Variants in DCHS2 observed in about 807,000 individuals in gnomAD.
DCHS2 encodes protocadherin-23.
In DCHS2, 142 loss-of-function variants were observed where a neutral mutation model predicts 182.4. That is an observed-to-expected ratio of 0.78 (90% CI 0.68 to 0.89). DCHS2 has a LOEUF of 0.89. DCHS2 is among the 40% of genes least tolerant of loss of function. The probability of loss-of-function intolerance (pLI) is 0.00; values close to 1 mark genes in which losing one functional copy is unlikely to be tolerated. For synonymous variants in DCHS2, 1,740 were observed against 1,663.3 expected (o/e 1.05, Z -1.12); for missense variants, 4,319 against 4,198.6 (o/e 1.03, Z -0.79).
chr4:154,288,713 TA>T (rs1188730990), intron 13 of DCHS2, among the ~76,000 whole-genome samples: 1 of 152,068 alleles, frequency 6.6e-6, no homozygotes, highest in Non-Finnish European at 1.5e-5. Flanking sequence ...TAATTAAAAT[TA>T]TATAAAGTAT....
At chr4:154,428,610 C>A (rs1458452380) in intron 1 of DCHS2, among the ~76,000 whole-genome samples, 1 of 151,698 alleles carries the variant, frequency 6.6e-6, no homozygotes, top group Non-Finnish European at 1.5e-5. Context: ...GTTGTTGAGG[C>A]CAATGAAAAT....
intron 10 of DCHS2, among the ~76,000 whole-genome samples, chr4:154,309,874 G>C (rs1280032537): frequency 1.3e-5 from 2 of 152,160 alleles, no homozygotes; most frequent in South Asian, 4.1e-4. Flanking sequence ...CCACATAATA[G>C]TAAAAAGGAC....
intron 1 of DCHS2, among the ~76,000 whole-genome samples, chr4:154,457,161 A>G (rs904451376): frequency 1.2e-4 from 19 of 152,158 alleles, no homozygotes; most frequent in African/African-American, 4.1e-4. Context: ...ATTATATAGT[A>G]ATTTCAAACA....
chr4:154,299,227 A>T (rs1385405168), intron 12 of DCHS2, among the ~76,000 whole-genome samples: 5 of 152,236 alleles, frequency 3.3e-5, no homozygotes, highest in Non-Finnish European at 7.3e-5. Flanking sequence ...CTTCTCTTCT[A>T]CATGTCCACA....
chr4:154,335,960 C>T (rs766683358), intron 3 of DCHS2, among the ~76,000 whole-genome samples: 10 of 152,134 alleles, frequency 6.6e-5, no homozygotes, highest in African/African-American at 1.7e-4. Context: ...TGCAGGCTAG[C>T]GCAGGGTTGT....
At chr4:154,330,199 T>C (rs1391007734) in intron 5 of DCHS2, among the ~76,000 whole-genome samples, 3 of 152,246 alleles carry the variant, frequency 2.0e-5, no homozygotes, top group African/African-American at 7.2e-5. Flanking sequence ...GTGCAAGCTA[T>C]ACATGACGAC....
At chr4:154,444,673 G>C (rs1046491149) in intron 1 of DCHS2, among the ~76,000 whole-genome samples, 7 of 152,090 alleles carry the variant, frequency 4.6e-5, no homozygotes, top group African/African-American at 1.7e-4. Flanking sequence ...CACAGCTCCA[G>C]GTGATCTTCT....
intron 1 of DCHS2, 83 bp from the exon 2 acceptor site, chr4:154,377,527 C>A: frequency 8.8e-7 from 1 of 1,135,176 alleles, no homozygotes; most frequent in South Asian, 1.5e-5. Context: ...AAACAATTTG[C>A]ACAACCACAT....
intron 2 of DCHS2, among the ~76,000 whole-genome samples, chr4:154,372,679 G>C (rs1730697535): frequency 6.6e-6 from 1 of 152,140 alleles, no homozygotes; most frequent in South Asian, 2.1e-4. Flanking sequence ...AAATTGTAGA[G>C]CTTTCTTGTG....
intron 3 of DCHS2, chr4:154,343,519 C>T: frequency 6.6e-7 from 1 of 1,512,752 alleles, no homozygotes; most frequent in Non-Finnish European, 8.9e-7. Flanking sequence ...GCAGCTTCTC[C>T]ATCAGCACTT....
chr4:154,402,017 T>C (rs567758872), intron 1 of DCHS2, among the ~76,000 whole-genome samples: 57 of 152,320 alleles, frequency 3.7e-4, no homozygotes, highest in African/African-American at 1.3e-3. Flanking sequence ...TGTTGTCTTC[T>C]AGAAGCTTTG....
intron 12 of DCHS2, among the ~76,000 whole-genome samples, chr4:154,303,883 C>G (rs1735321961): frequency 6.6e-6 from 1 of 152,160 alleles, no homozygotes; most frequent in Non-Finnish European, 1.5e-5. Context: ...CTTGCAAATA[C>G]ACCTTTTCTG....
chr4:154,471,822 GA>G (rs1252699410), intron 1 of DCHS2, among the ~76,000 whole-genome samples: 5 of 151,924 alleles, frequency 3.3e-5, no homozygotes, highest in Admixed American at 6.6e-5. Flanking sequence ...AAAAAGTGTG[GA>G]AAAAATATGC....
intron 1 of DCHS2, among the ~76,000 whole-genome samples, chr4:154,471,159 T>G (rs1161580237): frequency 2.0e-5 from 3 of 152,186 alleles, no homozygotes; most frequent in Admixed American, 1.3e-4. Flanking sequence ...CAGGACAAAC[T>G]GACTTGCTTA....
At chr4:154,485,232 G>T (rs745768921) in intron 1 of DCHS2, among the ~76,000 whole-genome samples, 6 of 152,136 alleles carry the variant, frequency 3.9e-5, no homozygotes, top group Non-Finnish European at 8.8e-5. Flanking sequence ...GAGAAAAAAG[G>T]AAAAAGAGGA....
At chr4:154,456,524 G>A (rs569931491) in intron 1 of DCHS2, among the ~76,000 whole-genome samples, 3 of 152,272 alleles carry the variant, frequency 2.0e-5, no homozygotes, top group Non-Finnish European at 2.9e-5. Flanking sequence ...AACTAGCTCC[G>A]TCTCTGAGAA....
chr4:154,348,649 C>G (rs1729467287), intron 3 of DCHS2, among the ~76,000 whole-genome samples: 2 of 151,834 alleles, frequency 1.3e-5, no homozygotes, highest in African/African-American at 4.9e-5. Flanking sequence ...GAAGGACATG[C>G]AAAAATGGAA....
At chr4:154,237,943 C>T (rs1452636750) in intron 19 of DCHS2, among the ~76,000 whole-genome samples, 1 of 152,094 alleles carries the variant, frequency 6.6e-6, no homozygotes, top group Non-Finnish European at 1.5e-5. Flanking sequence ...ATGTTTTTAA[C>T]ATTGCCTTTA....
chr4:154,478,397 C>A (rs919118534), intron 1 of DCHS2, among the ~76,000 whole-genome samples: 2 of 152,080 alleles, frequency 1.3e-5, no homozygotes, highest in Admixed American at 6.6e-5. Context: ...ATACTTGAAC[C>A]TTCTAGGGGT....
Sources: allele counts gnomAD v4.1 joint callset (sites outside exome capture counted in the v4.1 genomes callset), GRCh38; gene constraint gnomAD v4.1.1; transcripts MANE v1.5; gene names NCBI Gene and HGNC (gene_info 2026-07-23, HGNC 2026-07-21).